The following MARCHF1 variants were observed in gnomAD, a reference collection of about 807,000 sequenced individuals.
The protein encoded by MARCHF1 is membrane associated ring-CH-type finger 1.
MARCHF1 carries 40 observed loss-of-function variants against 54.2 expected under a neutral mutation model. That is an observed-to-expected ratio of 0.74 (90% CI 0.57 to 0.96). MARCHF1 has a LOEUF of 0.96. Ranked by LOEUF, MARCHF1 falls within the 40% of genes least tolerant of loss-of-function variation. The pLI, the probability that MARCHF1 is intolerant of heterozygous loss-of-function variation, is 0.00. For missense variants in MARCHF1, 586 were observed against 656.5 expected, an observed-to-expected ratio of 0.89 and a Z score of 1.17; for synonymous variants, 236 against 236.3, an observed-to-expected ratio of 1.00 and a Z score of 0.01.
At chr4:163,628,802 T>A (rs1280213425) in intron 5 of MARCHF1, among the ~76,000 whole-genome samples, 2 of 152,072 alleles carry the variant, frequency 1.3e-5, no homozygotes, top group African/African-American at 4.8e-5. Context: ...CATTCACAAT[T>A]GCTACGAAGA....
At chr4:164,067,588 G>A (rs114162599) in intron 2 of MARCHF1, among the ~76,000 whole-genome samples, 4,224 of 152,154 alleles carry the variant, frequency 0.028, 177 homozygotes, top group African/African-American at 0.096. Context: ...AACTCAAATG[G>A]ATTAAAGATT....
intron 4 of MARCHF1, among the ~76,000 whole-genome samples, chr4:163,773,956 A>G (rs1431823974): frequency 6.6e-6 from 1 of 152,160 alleles, no homozygotes; most frequent in African/African-American, 2.4e-5. Flanking sequence ...AGAAGTCAGA[A>G]TCATATCTGT....
At chr4:164,152,330 A>T (rs1181881735) in intron 1 of MARCHF1, among the ~76,000 whole-genome samples, 4 of 152,138 alleles carry the variant, frequency 2.6e-5, no homozygotes, top group Non-Finnish European at 5.9e-5. Context: ...CTGCTGTCCC[A>T]TATTTCCAGA....
Position 163,526,955 on chromosome 4 carries a change from TTG to T in MARCHF1, c.*1791_*1792del, listed in dbSNP as rs1738130293. 6.6e-6 allele frequency: 1 copy of T among 150,878 alleles called. No homozygotes were observed. The highest frequency in any genetic ancestry group is 2.1e-4 in the South Asian group (1 of 4,726). The allele number at this position is 150,878 out of a possible 1,614,324, so 9.3% of individuals were successfully genotyped here. A position where few individuals can be genotyped will look rare whatever the true frequency, so the allele number is the denominator to read the frequency against. ...ACCATCTTTCTCCTCATTTAAAGGTTTGTTTTTTTTTTCCCTTTTTCCTATGA... is the reference window on the plus strand; with the variant it reads ...ACCATCTTTCTCCTCATTTAAAGGTTTTTTTTTTTTCCCTTTTTCCTATGA... On this transcript the variant is annotated 3_prime_UTR_variant, in exon 10 of 10. Transcript: ENST00000514618.
intron 3 of MARCHF1, among the ~76,000 whole-genome samples, chr4:163,890,091 A>ATT (rs565005714): frequency 0.12 from 16,090 of 136,494 alleles, 999 homozygotes; most frequent in African/African-American, 0.16. Context: ...TGCCCGGCTA[A>ATT]TTTTTTTTTT....
At chr4:163,727,379 C>T (rs979240454) in intron 4 of MARCHF1, among the ~76,000 whole-genome samples, 4 of 151,178 alleles carry the variant, frequency 2.6e-5, no homozygotes, top group African/African-American at 9.7e-5. Flanking sequence ...ATGATTTCAG[C>T]TCACTTCAAG....
At chr4:163,552,279 A>AATGGGCC (rs1339673883) in intron 8 of MARCHF1, among the ~76,000 whole-genome samples, 17 of 152,196 alleles carry the variant, frequency 1.1e-4, no homozygotes, top group African/African-American at 3.9e-4. Flanking sequence ...AACAGTGAGG[A>AATGGGCC]ATGGGCCATG....
chr4:163,665,402 G>T (rs1743497864), intron 5 of MARCHF1, among the ~76,000 whole-genome samples: 1 of 152,060 alleles, frequency 6.6e-6, no homozygotes, highest in Admixed American at 6.6e-5. Context: ...TGTTCTTATG[G>T]CAGGATGACT....
At chr4:163,930,483 T>G (rs1004602273) in intron 3 of MARCHF1, among the ~76,000 whole-genome samples, 19 of 151,506 alleles carry the variant, frequency 1.3e-4, no homozygotes, top group African/African-American at 2.9e-4. Flanking sequence ...ATGGTGTTTT[T>G]TTTTTTTTTT....
At chr4:163,670,146 G>C (rs1743681708) in intron 5 of MARCHF1, among the ~76,000 whole-genome samples, 1 of 151,710 alleles carries the variant, frequency 6.6e-6, no homozygotes, top group African/African-American at 2.4e-5. Flanking sequence ...TTTCAGTTAG[G>C]TTAAAAAGAT....
At chr4:163,912,806 T>C (rs1297333070) in intron 3 of MARCHF1, among the ~76,000 whole-genome samples, 1 of 152,168 alleles carries the variant, frequency 6.6e-6, no homozygotes, top group African/African-American at 2.4e-5. Context: ...GAAACCAAAA[T>C]GTATTTCTGC....
intron 5 of MARCHF1, among the ~76,000 whole-genome samples, chr4:163,654,822 A>C (rs954906425): frequency 2.6e-5 from 4 of 151,708 alleles, no homozygotes; most frequent in African/African-American, 9.7e-5. Flanking sequence ...CTGTCAATTT[A>C]ATCTCTGTTT....
At chr4:163,773,146 A>G (rs2110875646) in intron 4 of MARCHF1, among the ~76,000 whole-genome samples, 1 of 152,282 alleles carries the variant, frequency 6.6e-6, no homozygotes, top group African/African-American at 2.4e-5. Context: ...GTCCAGCAGG[A>G]GACAGGCTGT....
chr4:164,002,903 A>G (rs563654816), intron 2 of MARCHF1, among the ~76,000 whole-genome samples: 1 of 152,118 alleles, frequency 6.6e-6, no homozygotes, highest in African/African-American at 2.4e-5. Flanking sequence ...AAAGCCTGTC[A>G]GGTATGAATT....
intron 4 of MARCHF1, among the ~76,000 whole-genome samples, chr4:163,776,743 A>G (rs1747316106): frequency 6.6e-6 from 1 of 152,192 alleles, no homozygotes; most frequent in Non-Finnish European, 1.5e-5. Flanking sequence ...GAAAATAATT[A>G]AAATTGTATA....
chr4:163,678,005 C>T (rs2111153733), intron 5 of MARCHF1, among the ~76,000 whole-genome samples: 1 of 152,232 alleles, frequency 6.6e-6, no homozygotes, highest in Admixed American at 6.5e-5. Context: ...AAGAATGGTG[C>T]CTAGAATTTA....
At chr4:163,734,043 A>T (rs1745959830) in intron 4 of MARCHF1, among the ~76,000 whole-genome samples, 1 of 152,234 alleles carries the variant, frequency 6.6e-6, no homozygotes. Context: ...TCTACTAAGC[A>T]CATGCAAAGA....
intron 1 of MARCHF1, among the ~76,000 whole-genome samples, chr4:164,191,266 T>G (rs1731116599): frequency 6.6e-6 from 1 of 152,230 alleles, no homozygotes; most frequent in Non-Finnish European, 1.5e-5. Context: ...TCCCTTATGC[T>G]GTGTTTGCAC....
At chr4:164,058,263 A>T (rs954241134) in intron 2 of MARCHF1, among the ~76,000 whole-genome samples, 6 of 152,210 alleles carry the variant, frequency 3.9e-5, no homozygotes, top group African/African-American at 1.4e-4. Flanking sequence ...CAGAACTTAA[A>T]GTATAATAAA....
Sources: gnomAD v4.1 joint callset for allele counts (sites outside exome capture counted in the v4.1 genomes callset) on GRCh38, gnomAD v4.1.1 for gene constraint, MANE v1.5 for transcripts, NCBI Gene and HGNC (gene_info 2026-07-23, HGNC 2026-07-21) for gene names.